Variants in PTPRK observed in about 807,000 individuals in gnomAD.
PTPRK encodes the protein protein tyrosine phosphatase receptor type K, also known as receptor-type tyrosine-protein phosphatase kappa.
A neutral mutation model predicts 178.0 loss-of-function variants in PTPRK; 75 were observed. That is an observed-to-expected ratio of 0.42 (90% CI 0.35 to 0.51). PTPRK has a LOEUF of 0.51. PTPRK is among the 20% of genes least tolerant of loss of function. The probability of loss-of-function intolerance (pLI) is 0.02; values close to 1 mark genes in which losing one functional copy is unlikely to be tolerated. For synonymous variants in PTPRK, 637 were observed against 620.6 expected, an observed-to-expected ratio of 1.03 and a Z score of -0.39; for missense variants, 1,441 against 1,797.8, an observed-to-expected ratio of 0.80 and a Z score of 3.59.
At chr6:128,504,358 T>C (rs1391084432) in intron 1 of PTPRK, among the ~76,000 whole-genome samples, 1 of 152,218 alleles carries the variant, frequency 6.6e-6, no homozygotes, top group East Asian at 1.9e-4. Context: ...GCCTGTAGTA[T>C]AACTGTCAAT....
intron 7 of PTPRK, among the ~76,000 whole-genome samples, chr6:128,137,033 A>C (rs2114491008): frequency 6.6e-6 from 1 of 152,242 alleles, no homozygotes; most frequent in Middle Eastern, 3.4e-3. Flanking sequence ...GCCTCTTCCT[A>C]TCTGTTTTGC....
At chr6:128,201,457 T>C (rs996443630) in intron 6 of PTPRK, among the ~76,000 whole-genome samples, 1 of 152,166 alleles carries the variant, frequency 6.6e-6, no homozygotes, top group Admixed American at 6.6e-5. Flanking sequence ...TACATCAGAA[T>C]CTAAAAAAAG....
intron 2 of PTPRK, among the ~76,000 whole-genome samples, chr6:128,389,043 G>C (rs1046012117): frequency 2.0e-5 from 3 of 152,108 alleles, no homozygotes; most frequent in Non-Finnish European, 2.9e-5. Context: ...GAAAAAGCAA[G>C]CCAGCGTCTT....
At chr6:128,412,301 G>C (rs916934209) in intron 1 of PTPRK, among the ~76,000 whole-genome samples, 35 of 152,132 alleles carry the variant, frequency 2.3e-4, no homozygotes, top group African/African-American at 8.5e-4. Context: ...CTTGGTGGGG[G>C]GTACATTAAT....
intron 1 of PTPRK, among the ~76,000 whole-genome samples, chr6:128,438,083 C>A (rs778473841): frequency 2.6e-5 from 4 of 152,198 alleles, no homozygotes; most frequent in Non-Finnish European, 5.9e-5. Flanking sequence ...GAAAAAATAT[C>A]CGGGTATATA....
chr6:128,386,252 A>C (rs1838703984), intron 2 of PTPRK, among the ~76,000 whole-genome samples: 3 of 152,192 alleles, frequency 2.0e-5, no homozygotes, highest in Admixed American at 1.3e-4. Context: ...ATAGTTTGAC[A>C]AATCAAGTGT....
intron 1 of PTPRK, among the ~76,000 whole-genome samples, chr6:128,501,954 A>T (rs1350205275): frequency 1.3e-5 from 2 of 152,244 alleles, no homozygotes; most frequent in African/African-American, 4.8e-5. Flanking sequence ...GGCAATGTAT[A>T]GCAGAATTGG....
chr6:128,227,363 G>A (rs1461225164), intron 5 of PTPRK, among the ~76,000 whole-genome samples: 1 of 152,186 alleles, frequency 6.6e-6, no homozygotes, highest in South Asian at 2.1e-4. Flanking sequence ...GATGGCAGTA[G>A]CGTAGTTTTT....
intron 1 of PTPRK, among the ~76,000 whole-genome samples, chr6:128,518,718 T>C (rs1562686841): frequency 6.6e-6 from 1 of 152,340 alleles, no homozygotes; most frequent in East Asian, 1.9e-4. Context: ...AAGAATTCAA[T>C]TAAACCATTG....
At chr6:128,163,587 T>C (rs901049177) in intron 7 of PTPRK, among the ~76,000 whole-genome samples, 12 of 151,568 alleles carry the variant, frequency 7.9e-5, no homozygotes, top group Admixed American at 7.9e-4. Flanking sequence ...GGGTTTTATA[T>C]TTTTTATGCT....
chr6:128,263,390 G>A (rs911385247), intron 3 of PTPRK, among the ~76,000 whole-genome samples: 1 of 152,152 alleles, frequency 6.6e-6, no homozygotes, highest in Admixed American at 6.6e-5. Flanking sequence ...GGGAATGACA[G>A]ATCATGGTTT....
At chr6:128,317,453 A>C (rs1193412724) in intron 3 of PTPRK, among the ~76,000 whole-genome samples, 2 of 151,562 alleles carry the variant, frequency 1.3e-5, no homozygotes, top group Non-Finnish European at 2.9e-5. Flanking sequence ...AAAAAAAAAA[A>C]CTGCTTCATT....
intron 1 of PTPRK, among the ~76,000 whole-genome samples, chr6:128,515,430 A>G (rs1857839165): frequency 6.6e-6 from 1 of 152,182 alleles, no homozygotes; most frequent in Non-Finnish European, 1.5e-5. Context: ...TAAAAAAACA[A>G]GTCATGTTCA....
intron 1 of PTPRK, among the ~76,000 whole-genome samples, chr6:128,425,079 C>T (rs1299831555): frequency 5.7e-4 from 76 of 134,050 alleles, no homozygotes; most frequent in African/African-American, 1.8e-3. Flanking sequence ...AATGTGTAGT[C>T]TTTTTTTTTT....
chr6:128,446,601 G>A (rs185922194), intron 1 of PTPRK, among the ~76,000 whole-genome samples: 24 of 152,322 alleles, frequency 1.6e-4, no homozygotes, highest in Non-Finnish European at 2.1e-4. Context: ...CACAGAAGCC[G>A]TAGCACAGAC....
chr6:128,139,292 A>C (rs1175276665), intron 7 of PTPRK, among the ~76,000 whole-genome samples: 1 of 152,086 alleles, frequency 6.6e-6, no homozygotes, highest in Non-Finnish European at 1.5e-5. Context: ...TGTTAAAAAC[A>C]GTATTAAAAA....
chr6:127,998,341 A>T (rs1231378473), intron 16 of PTPRK, among the ~76,000 whole-genome samples: 1 of 152,082 alleles, frequency 6.6e-6, no homozygotes, highest in Non-Finnish European at 1.5e-5. Flanking sequence ...AGGGGCAGAG[A>T]AGTACCTGCT....
At chr6:128,156,761 G>A (rs1798010692) in intron 7 of PTPRK, among the ~76,000 whole-genome samples, 1 of 151,946 alleles carries the variant, frequency 6.6e-6, no homozygotes, top group Admixed American at 6.6e-5. Context: ...TTATATAAAT[G>A]TATAGAAGTT....
intron 6 of PTPRK, among the ~76,000 whole-genome samples, chr6:128,201,701 A>T (rs867974874): frequency 4.6e-5 from 7 of 152,190 alleles, no homozygotes; most frequent in Middle Eastern, 6.8e-3. Context: ...TCTATTAAAA[A>T]ATATATATAT....
Sources: allele counts gnomAD v4.1 joint callset (sites outside exome capture counted in the v4.1 genomes callset), GRCh38; gene constraint gnomAD v4.1.1; transcripts MANE v1.5; gene names NCBI Gene and HGNC (gene_info 2026-07-23, HGNC 2026-07-21).